Variants in ACP3 observed in about 807,000 individuals in gnomAD.
ACP3 encodes the protein prostatic acid phosphatase.
A neutral mutation model predicts 45.6 loss-of-function variants in ACP3; 38 were observed. The observed-to-expected ratio is 0.83, with a 90% CI of 0.64 to 1.09. The LOEUF (loss-of-function observed/expected upper bound fraction) is 1.09, where lower values mean the gene tolerates loss of function less well. Among genes scored for constraint, ACP3 ranks in the 50% least tolerant of loss-of-function variants. ACP3 has a pLI of 0.00. For synonymous variants in ACP3, 162 were observed against 164.7 expected, an observed-to-expected ratio of 0.98 and a Z score of 0.13; for missense variants, 466 against 463.2, an observed-to-expected ratio of 1.01 and a Z score of -0.05.
Position 132,356,803 on chromosome 3 carries a change from T to C in ACP3, c.1086T>C (p.Pro362=). 1.2e-6 allele frequency: 2 copies of C among 1,614,200 alleles called. No homozygotes were observed. Among genetic ancestry groups the C allele is most frequent in the Admixed American group, 1.7e-5 (1 of 60,024 alleles). ...PLERFAELVG[P]VIPQDWSTEC... ...AGAGGTTTGCTGAGCTGGTTGGCCC[T>C]GTGATCCCTCAAGACTGGTCCACGG... Residue 362 remains proline, a synonymous_variant, in exon 10 of 10, where the codon CCT becomes CCC. Transcript: ENST00000336375.
rs748493315 is a variant in ACP3 at position 132,342,661 on chromosome 3, T to C, written c.648+17T>C. The C allele has an allele frequency of 3.5e-6, 5 of 1,437,288 alleles. No homozygotes were observed. The South Asian group carries it at 5.0e-5, about 14-fold the overall frequency. The allele number at this position is 1,437,288 out of a possible 1,614,324, so 89.0% of individuals were successfully genotyped here. A position where few individuals can be genotyped will look rare whatever the true frequency, so the allele number is the denominator to read the frequency against. On this transcript the variant is annotated intron_variant, in intron 6 of 9. Coordinates refer to ENST00000336375, the MANE Select transcript of ACP3 (RefSeq NM_001099.5). ...TATTGTGAGGTAAAAGAAAAAAAAATCACAGGTTAACTTGCAATCTGATTT... is the reference window on the plus strand; with the variant it reads ...TATTGTGAGGTAAAAGAAAAAAAAACCACAGGTTAACTTGCAATCTGATTT...
At chr3:132,367,976 C>T in exon 11 of ACP3, 1 of 639,290 alleles carries the variant, frequency 1.6e-6, no homozygotes, top group Non-Finnish European at 2.8e-6. Context: ...CACAGTGACC[C>T]ACAGGCTGCT....
rs549587824 is a variant in ACP3, at chr3:132,325,155, G to A, written c.121-3112G>A. Among the ~76,000 whole-genome samples the A allele has an allele frequency of 1.3e-4, 20 of 152,316 alleles. 1 individual carries two copies. The South Asian group carries it at 3.9e-3, about 30-fold the overall frequency. ...GTCTTCGCATAGTCCAAGAACTCCA[G>A]CTGAATTTTGAAACTCCAAAAGCTC... On this transcript the variant is annotated intron_variant, in intron 1 of 9. Transcript: ENST00000336375.
At chr3:132,333,264 C>T (rs938148540) in intron 4 of ACP3, 3 of 152,298 alleles carry the variant, frequency 2.0e-5, no homozygotes, top group Non-Finnish European at 4.4e-5. Flanking sequence ...TGGGACCGAC[C>T]AAGCTTTCTT....
At chr3:132,361,602 G>A (rs1358674357), downstream of ACP3, among the ~76,000 whole-genome samples, 1 of 152,182 alleles carries the variant, frequency 6.6e-6, no homozygotes, top group Non-Finnish European at 1.5e-5. Flanking sequence ...ATCCTCAACT[G>A]AGTCTCTCAG....
chr3:132,328,104 A>C (rs566257634), intron 1 of ACP3, among the ~76,000 whole-genome samples, 163 bp from the exon 2 acceptor site: 1 of 152,336 alleles, frequency 6.6e-6, no homozygotes, highest in East Asian at 1.9e-4. Context: ...AAAATCACTA[A>C]GGTTGAAAGC....
At chr3:132,348,131 T>C (rs77152734) in intron 7 of ACP3, among the ~76,000 whole-genome samples, 3,009 of 152,192 alleles carry the variant, frequency 0.02, 41 homozygotes, top group Middle Eastern at 0.034. Context: ...CCTAAGACAT[T>C]TACTCTCTGG....
intron 4 of ACP3, among the ~76,000 whole-genome samples, chr3:132,335,746 G>A (rs1021736860): frequency 6.6e-6 from 1 of 152,130 alleles, no homozygotes; most frequent in Non-Finnish European, 1.5e-5. Context: ...TGCCTTCCGG[G>A]ACAGCAAGAA....
At chr3:132,362,018 T>C (rs1938049160), downstream of ACP3, among the ~76,000 whole-genome samples, 1 of 152,206 alleles carries the variant, frequency 6.6e-6, no homozygotes, top group South Asian at 2.1e-4. Context: ...CTCTTCAATC[T>C]CAATTTTCTT....
chr3:132,349,880 A>G, intron 7 of ACP3, 40 bp from the exon 8 acceptor site: 1 of 1,390,186 alleles, frequency 7.2e-7, no homozygotes, highest in Middle Eastern at 1.8e-4. Flanking sequence ...ATAGAAGCTT[A>G]TGTTTGGTTC....
At chr3:132,322,653 G>A (rs529255226) in intron 1 of ACP3, among the ~76,000 whole-genome samples, 1 of 152,314 alleles carries the variant, frequency 6.6e-6, no homozygotes, top group African/African-American at 2.4e-5. Flanking sequence ...GATGGTTTAT[G>A]AGACTTCAAT....
At chr3:132,340,821 C>A (rs558574919) in intron 5 of ACP3, among the ~76,000 whole-genome samples, 1 of 152,090 alleles carries the variant, frequency 6.6e-6, no homozygotes, top group South Asian at 2.1e-4. Context: ...GCTAGTCATC[C>A]CTCATTGCTT....
intron 1 of ACP3, among the ~76,000 whole-genome samples, chr3:132,325,618 A>ACACACACACACACACACACACC (rs1416576821): frequency 2.6e-5 from 4 of 151,550 alleles, no homozygotes; most frequent in African/African-American, 9.7e-5. Flanking sequence ...ACACACACAC[A>ACACACACACACACACACACACC]CCCCTTCCAA....
intron 10 of ACP3, among the ~76,000 whole-genome samples, chr3:132,366,989 C>T (rs944982084): frequency 1.3e-5 from 2 of 152,060 alleles, no homozygotes; most frequent in Non-Finnish European, 2.9e-5. Flanking sequence ...ATTGCCTAAG[C>T]CAACAAGAAA....
At chr3:132,361,430 A>T (rs1315743857), downstream of ACP3, among the ~76,000 whole-genome samples, 2 of 152,144 alleles carry the variant, frequency 1.3e-5, no homozygotes, top group African/African-American at 2.4e-5. Context: ...GACAGCTATA[A>T]CGCTGACCTG....
rs550543458 is a variant in ACP3 at position 132,358,486 on chromosome 3, G to A, written c.*1608G>A. ...GCTTTGCCATGTGGCAGATCTACAT[G>A]TCTAGAGAACACTGTGCTCTATTAC... is the stretch of plus-strand genomic sequence containing the variant. On this transcript the variant is annotated 3_prime_UTR_variant, in exon 10 of 10. Coordinates refer to ENST00000336375, the MANE Select transcript of ACP3 (RefSeq NM_001099.5). 5 of 1,272,972 alleles carry A rather than the reference G, an allele frequency of 3.9e-6. No individual in the cohort carries two copies. Among genetic ancestry groups the A allele is most frequent in the African/African-American group, 1.5e-5 (1 of 65,834 alleles). 78.9% of individuals were successfully genotyped at this position (1,272,972 alleles called of 1,614,324 possible). A position where few individuals can be genotyped will look rare whatever the true frequency, so the allele number is the denominator to read the frequency against.
In ACP3 at chr3:132,331,661, G is replaced by A. The variant is rs1937400212; in HGVS notation, c.231G>A (p.Gln77=). 1.2e-6 allele frequency: 2 copies of A among 1,603,402 alleles called. No individual in the cohort carries two copies. The highest frequency in any genetic ancestry group is 1.3e-5 in the African/African-American group (1 of 74,276). The stretch of plus-strand genomic sequence containing the variant: ...TTTTCCCATAGCTGGGCATGGAGCA[G>A]CATTATGAACTTGGAGAGTATATAA... ...FGQLTQLGME[Q]HYELGEYIRK... Residue 77 remains glutamine (Q), a synonymous_variant, in exon 3 of 10, where the codon CAG becomes CAA. Coordinates refer to ENST00000336375, the MANE Select transcript of ACP3 (RefSeq NM_001099.5).
chr3:132,344,318 C>T (rs1937584143), intron 6 of ACP3, among the ~76,000 whole-genome samples: 1 of 148,878 alleles, frequency 6.7e-6, no homozygotes, highest in African/African-American at 2.5e-5. Flanking sequence ...TGGTGGCATG[C>T]ACCTATAGTC....
intron 5 of ACP3, among the ~76,000 whole-genome samples, chr3:132,338,844 A>AT (rs1231400609): frequency 6.6e-6 from 1 of 152,018 alleles, no homozygotes; most frequent in African/African-American, 2.4e-5. Context: ...GTTAAATACC[A>AT]TTTTTTGGTT....
Sources: gnomAD v4.1 joint callset for allele counts (sites outside exome capture counted in the v4.1 genomes callset) on GRCh38, gnomAD v4.1.1 for gene constraint, MANE v1.5 for transcripts, NCBI Gene and HGNC (gene_info 2026-07-23, HGNC 2026-07-21) for gene names.